The following POC1B variants were observed in gnomAD, a reference collection of about 807,000 sequenced individuals.
The protein encoded by POC1B is POC1 centriolar protein B, also known as POC1 centriolar protein homolog B.
Under a neutral mutation model 60.6 loss-of-function variants are expected in POC1B, and 44 were observed. The observed-to-expected ratio is 0.73, with a 90% confidence interval of 0.57 to 0.93. POC1B has a LOEUF of 0.93. POC1B is among the 40% of genes least tolerant of loss of function. POC1B has a pLI of 0.00. For missense variants in POC1B, 555 were observed against 572.3 expected, an observed-to-expected ratio of 0.97 and a Z score of 0.31; for synonymous variants, 180 against 198.9, an observed-to-expected ratio of 0.90 and a Z score of 0.80.
At chr12:89,498,367 A>C (rs1168474840) in intron 2 of POC1B, among the ~76,000 whole-genome samples, 1 of 152,232 alleles carries the variant, frequency 6.6e-6, no homozygotes, top group Non-Finnish European at 1.5e-5. Context: ...CTAAAAAACA[A>C]ATTTTATTAT....
intron 4 of POC1B, among the ~76,000 whole-genome samples, chr12:89,490,554 A>C (rs1373921018): frequency 1.3e-5 from 2 of 152,194 alleles, no homozygotes; most frequent in East Asian, 3.9e-4. Flanking sequence ...CACATTGGCC[A>C]GGCTGGTCTC....
At chr12:89,410,680 A>G in the POC1B span, among the ~76,000 whole-genome samples, 86 of 138,022 alleles carry the variant, frequency 6.2e-4, no homozygotes, top group Middle Eastern at 3.5e-3. Flanking sequence ...CTCCGTCTCA[A>G]AAAAAAAAAA....
At chr12:89,469,832 T>C (rs1248692275) in intron 7 of POC1B, among the ~76,000 whole-genome samples, 1 of 152,132 alleles carries the variant, frequency 6.6e-6, no homozygotes, top group Non-Finnish European at 1.5e-5. Flanking sequence ...AGATACACAT[T>C]GATTTTGATA....
In POC1B at chr12:89,420,026, T is replaced by C. The variant is rs1269627146; in HGVS notation, c.*1127A>G. On this transcript the variant is annotated 3_prime_UTR_variant, in exon 12 of 12. Coordinates refer to ENST00000313546, the MANE Select transcript of POC1B (RefSeq NM_172240.3). ...TCTTTTCCAAAACACAGAATAGCAT[T>C]TTCCCCATGTTACCTATACACACCA... 1 of 152,168 alleles carries C rather than the reference T, an allele frequency of 6.6e-6. No homozygotes were observed. The highest frequency in any genetic ancestry group is 1.5e-5 in the Non-Finnish European group (1 of 68,034). 9.4% of individuals were successfully genotyped at this position (152,168 alleles called of 1,614,324 possible).
chr12:89,446,196 C>T (rs1294447111), intron 10 of POC1B, among the ~76,000 whole-genome samples: 7 of 152,254 alleles, frequency 4.6e-5, no homozygotes, highest in Middle Eastern at 6.8e-3. Context: ...GACAGTGTGG[C>T]GATTCCTCAA....
intron 3 of POC1B, among the ~76,000 whole-genome samples, chr12:89,493,344 C>T (rs897483517): frequency 2.0e-5 from 3 of 152,186 alleles, no homozygotes; most frequent in African/African-American, 7.2e-5. Flanking sequence ...ATAAGACTAG[C>T]ATCTAGCAAT....
intron 3 of POC1B, among the ~76,000 whole-genome samples, chr12:89,493,421 TA>T (rs1274255548): frequency 2.6e-5 from 4 of 152,218 alleles, no homozygotes; most frequent in African/African-American, 4.8e-5. Context: ...TAAAGGCTCG[TA>T]GATCCAACCT....
At chr12:89,412,806 T>C in the POC1B span, among the ~76,000 whole-genome samples, 1 of 122,088 alleles carries the variant, frequency 8.2e-6, no homozygotes, top group Non-Finnish European at 1.7e-5. Flanking sequence ...GAGAAACACA[T>C]GTTCCTTCCT....
rs78903738 is a variant in POC1B at position 89,485,606 on chromosome 12, A to G, written c.452+6330T>C. 4.3e-3 allele frequency among the ~76,000 whole-genome samples: 650 copies of G among 152,326 alleles called. 9 individuals carry two copies. The highest frequency in any genetic ancestry group is 0.015 in the African/African-American group (609 of 41,570). On this transcript the variant is annotated intron_variant, in intron 4 of 11. Transcript: ENST00000313546. Reference sequence around the variant, plus strand: ...ACCGGTAAGATAAAGACAGTCCATGAAGGCCAGGTGTGCCAAGTCAGCAAC... The same window carrying G: ...ACCGGTAAGATAAAGACAGTCCATGGAGGCCAGGTGTGCCAAGTCAGCAAC...
chr12:89,447,155 A>G (rs1440768250), intron 10 of POC1B, among the ~76,000 whole-genome samples: 1 of 152,210 alleles, frequency 6.6e-6, no homozygotes, highest in African/African-American at 2.4e-5. Flanking sequence ...GCAATAGTTT[A>G]TTTTAAAATC....
At chr12:89,482,366 T>C (rs11105298) in intron 4 of POC1B, among the ~76,000 whole-genome samples, 30,483 of 151,978 alleles carry the variant, frequency 0.2, 3,502 homozygotes, top group South Asian at 0.38. Flanking sequence ...CAAACATACA[T>C]GAATCTGGAG....
At chr12:89,523,108 C>G (rs755101059) in intron 2 of POC1B, 1 of 1,613,912 alleles carries the variant, frequency 6.2e-7, no homozygotes, top group South Asian at 1.1e-5. Flanking sequence ...TTGATTGCCT[C>G]CTTGACCATG....
chr12:89,523,048 T>C, intron 2 of POC1B: 1 of 1,613,812 alleles, frequency 6.2e-7, no homozygotes, highest in South Asian at 1.1e-5. Context: ...TGCACATAAC[T>C]CTGTCACAGA....
chr12:89,416,929 C>A (rs1184366394), downstream of POC1B, among the ~76,000 whole-genome samples: 1 of 152,166 alleles, frequency 6.6e-6, no homozygotes, highest in Non-Finnish European at 1.5e-5. Context: ...GTAAAGGACC[C>A]AGAGGTCCTA....
intron 2 of POC1B, chr12:89,524,153 T>C: frequency 6.2e-7 from 1 of 1,614,028 alleles, no homozygotes. Flanking sequence ...GTAGGAAGTG[T>C]CCTATAGTTG....
At chr12:89,516,675 AAAC>A (rs1156552033) in intron 2 of POC1B, among the ~76,000 whole-genome samples, 1 of 152,204 alleles carries the variant, frequency 6.6e-6, no homozygotes, top group African/African-American at 2.4e-5. Context: ...TGGAGGCATA[AAAC>A]AACAGAAATT....
rs577231343 is a variant in POC1B at position 89,490,008 on chromosome 12, T to C, written c.452+1928A>G. Among the ~76,000 whole-genome samples the C allele has an allele frequency of 2.6e-5, 4 of 152,176 alleles. No individual in the cohort carries two copies. The East Asian group carries it at 7.7e-4, about 29-fold the overall frequency. On this transcript the variant is annotated intron_variant, in intron 4 of 11. Coordinates refer to ENST00000313546, the MANE Select transcript of POC1B (RefSeq NM_172240.3). ...TAAAGAAGCTTTCCTTTTCAGTCAG[T>C]CACAAGGCTGTGAGGACTGAAGCCT...
At chr12:89,406,185 C>G in the POC1B span, among the ~76,000 whole-genome samples, 1 of 151,932 alleles carries the variant, frequency 6.6e-6, no homozygotes, top group African/African-American at 2.4e-5. Flanking sequence ...GAGTGTCTGG[C>G]AAAGGGAAAT....
chr12:89,463,526 ACTAGTGATGTG>A (rs1882557351), intron 9 of POC1B, among the ~76,000 whole-genome samples: 1 of 152,226 alleles, frequency 6.6e-6, no homozygotes, highest in African/African-American at 2.4e-5. Flanking sequence ...GTCAGCATGA[ACTAGTGATGTG>A]CTATAGCACA....
Sources: allele counts gnomAD v4.1 joint callset (sites outside exome capture counted in the v4.1 genomes callset), GRCh38; gene constraint gnomAD v4.1.1; transcripts MANE v1.5; gene names NCBI Gene and HGNC (gene_info 2026-07-23, HGNC 2026-07-21).